The following PPA2 variants were observed in gnomAD, a reference collection of about 807,000 sequenced individuals.
PPA2 encodes the protein inorganic pyrophosphatase 2, also known as inorganic pyrophosphatase 2, mitochondrial.
In PPA2, 48 loss-of-function variants were observed where a neutral mutation model predicts 49.5. The observed-to-expected ratio is 0.97, with a 90% CI of 0.77 to 1.23. The LOEUF is 1.23. Among genes scored for constraint, PPA2 ranks in the 50% most tolerant of loss-of-function variants. PPA2 has a pLI of 0.00. For missense variants in PPA2, 429 were observed against 410.1 expected (o/e 1.05, Z -0.40); for synonymous variants, 131 against 139.9 (o/e 0.94, Z 0.45).
chr4:105,458,862 A>G (rs1722972796), intron 1 of PPA2, among the ~76,000 whole-genome samples: 1 of 150,728 alleles, frequency 6.6e-6, no homozygotes. Flanking sequence ...TAACTTAACA[A>G]TGAAATTGTT....
intron 1 of PPA2, among the ~76,000 whole-genome samples, chr4:105,471,606 G>C (rs534471577): frequency 2.5e-4 from 38 of 152,060 alleles, no homozygotes; most frequent in Non-Finnish European, 4.6e-4. Flanking sequence ...CCCTAGTACT[G>C]CATACAGACA....
Position 105,467,356 on chromosome 4 carries a change from A to G in PPA2, c.157+6538T>C, listed in dbSNP as rs75453309. Among the ~76,000 whole-genome samples the G allele has an allele frequency of 3.0e-3, 457 of 152,346 alleles. 5 individuals are homozygous for G. Among genetic ancestry groups the G allele is most frequent in the African/African-American group, 0.011 (440 of 41,570 alleles). On this transcript the variant is annotated intron_variant, in intron 1 of 11. Transcript: ENST00000341695. ...CAGGTGTGCAGAGGAAAGAACATAC[A>G]TGGCATGTCTGAGAAACAGCAAGGA... is the stretch of plus-strand genomic sequence containing the variant.
At chr4:105,464,351 C>G (rs1205245377) in intron 1 of PPA2, among the ~76,000 whole-genome samples, 1 of 152,212 alleles carries the variant, frequency 6.6e-6, no homozygotes, top group Non-Finnish European at 1.5e-5. Context: ...ACCTGTGCCC[C>G]CATTGTATCT....
chr4:105,375,156 G>A (rs1461133597), intron 10 of PPA2, among the ~76,000 whole-genome samples: 22 of 152,000 alleles, frequency 1.4e-4, no homozygotes, highest in Admixed American at 1.4e-3. Context: ...TTAAGTTCAT[G>A]TAAGTTTAAT....
chr4:105,419,866 A>G (rs1282506795), intron 7 of PPA2, among the ~76,000 whole-genome samples: 1 of 152,228 alleles, frequency 6.6e-6, no homozygotes, highest in Non-Finnish European at 1.5e-5. Flanking sequence ...ATACACATAC[A>G]TAAGGACATA....
chr4:105,426,452 T>C (rs1439458309), intron 6 of PPA2, among the ~76,000 whole-genome samples: 1 of 152,214 alleles, frequency 6.6e-6, no homozygotes. Context: ...TGAGTGACTG[T>C]ACCTGGAGGA....
intron 7 of PPA2, among the ~76,000 whole-genome samples, chr4:105,412,113 A>C (rs1463191142): frequency 6.6e-6 from 1 of 152,206 alleles, no homozygotes; most frequent in Non-Finnish European, 1.5e-5. Flanking sequence ...ATATGGAATC[A>C]AAAAAGAGCC....
chr4:105,407,885 G>T (rs1450814515), intron 7 of PPA2, among the ~76,000 whole-genome samples: 1 of 152,146 alleles, frequency 6.6e-6, no homozygotes, highest in Non-Finnish European at 1.5e-5. Context: ...GAATTTGGGG[G>T]TGATGGAAAT....
At chr4:105,394,142 G>A (rs944637207) in intron 9 of PPA2, among the ~76,000 whole-genome samples, 2 of 151,986 alleles carry the variant, frequency 1.3e-5, no homozygotes, top group Admixed American at 1.3e-4. Flanking sequence ...CAAGGTGGGC[G>A]GATCACTTGA....
At chr4:105,454,856 G>A (rs564769214) in intron 2 of PPA2, among the ~76,000 whole-genome samples, 1 of 152,176 alleles carries the variant, frequency 6.6e-6, no homozygotes, top group South Asian at 2.1e-4. Context: ...TAGACAAAAT[G>A]TTATTCTCAC....
intron 6 of PPA2, among the ~76,000 whole-genome samples, chr4:105,428,208 G>A (rs1403906035): frequency 5.3e-5 from 8 of 152,254 alleles, no homozygotes; most frequent in African/African-American, 9.6e-5. Flanking sequence ...AGCAAGAAAC[G>A]TGGAAAGGAA....
chr4:105,389,577 C>T (rs1417587087), intron 9 of PPA2, among the ~76,000 whole-genome samples: 1 of 151,430 alleles, frequency 6.6e-6, no homozygotes, highest in Non-Finnish European at 1.5e-5. Flanking sequence ...AAGCAGATGA[C>T]ATTAGAGCAA....
At chr4:105,448,751 A>C (rs1279718568) in intron 4 of PPA2, among the ~76,000 whole-genome samples, 1 of 152,116 alleles carries the variant, frequency 6.6e-6, no homozygotes, top group Non-Finnish European at 1.5e-5. Flanking sequence ...TCTATGAACC[A>C]AATATATCTC....
At chr4:105,370,057 T>A (rs1732959756) in intron 11 of PPA2, among the ~76,000 whole-genome samples, 1 of 152,222 alleles carries the variant, frequency 6.6e-6, no homozygotes, top group South Asian at 2.1e-4. Context: ...TGCTATAATA[T>A]GAAAGGTTTA....
At chr4:105,418,836 A>G (rs570549973) in intron 7 of PPA2, among the ~76,000 whole-genome samples, 11 of 152,216 alleles carry the variant, frequency 7.2e-5, no homozygotes, top group Non-Finnish European at 1.3e-4. Flanking sequence ...CTTAGGCATC[A>G]GTGGCAGTTC....
At chr4:105,406,167 A>T (rs530799435) in intron 7 of PPA2, among the ~76,000 whole-genome samples, 1 of 151,428 alleles carries the variant, frequency 6.6e-6, no homozygotes, top group South Asian at 2.1e-4. Flanking sequence ...AATCAGGTAG[A>T]TTTAACAGCA....
Position 105,414,659 on chromosome 4 carries a change from GA to G in PPA2, c.655+9536del, listed in dbSNP as rs1722922423. 7.2e-5 allele frequency among the ~76,000 whole-genome samples: 11 copies of G among 152,334 alleles called. No individual in the cohort carries two copies. In the South Asian group the frequency reaches 2.3e-3, roughly 32 times the overall value. On this transcript the variant is annotated intron_variant, in intron 7 of 11. Transcript: ENST00000341695. Reference sequence around the variant, plus strand: ...GAGGGTGTCACAGCCCTGGCTCAGGGAGCCATTAGGTCTGGGATCCCTGAAG... The same window carrying G: ...GAGGGTGTCACAGCCCTGGCTCAGGGGCCATTAGGTCTGGGATCCCTGAAG...
chr4:105,387,374 A>G (rs1043334021), intron 9 of PPA2, among the ~76,000 whole-genome samples: 1 of 152,214 alleles, frequency 6.6e-6, no homozygotes, highest in African/African-American at 2.4e-5. Flanking sequence ...AACTTTTTTA[A>G]ATAGAAGAAA....
At chr4:105,468,648 C>A (rs1315055998) in intron 1 of PPA2, among the ~76,000 whole-genome samples, 4 of 152,172 alleles carry the variant, frequency 2.6e-5, no homozygotes, top group Non-Finnish European at 5.9e-5. Context: ...TGTGTTCCCA[C>A]AGAGATGAAT....
Sources: allele counts gnomAD v4.1 joint callset (sites outside exome capture counted in the v4.1 genomes callset), GRCh38; gene constraint gnomAD v4.1.1; transcripts MANE v1.5; gene names NCBI Gene and HGNC (gene_info 2026-07-23, HGNC 2026-07-21).